Variants in CATSPERB observed in about 807,000 individuals in gnomAD.
CATSPERB encodes the protein cation channel sperm-associated auxiliary subunit beta.
Under a neutral mutation model 128.3 loss-of-function variants are expected in CATSPERB, and 93 were observed. The observed-to-expected ratio is 0.72, with a 90% CI of 0.61 to 0.86. CATSPERB has a LOEUF of 0.86. Ranked by LOEUF, CATSPERB falls within the 40% of genes least tolerant of loss-of-function variation. The probability of loss-of-function intolerance (pLI) is 0.00; values close to 1 mark genes in which losing one functional copy is unlikely to be tolerated. For synonymous variants in CATSPERB, 381 were observed against 448.8 expected (o/e 0.85, Z 1.91); for missense variants, 1,153 against 1,329.5 (o/e 0.87, Z 2.06).
chr14:91,674,791 A>C (rs1895161074), intron 11 of CATSPERB, among the ~76,000 whole-genome samples: 1 of 152,208 alleles, frequency 6.6e-6, no homozygotes, highest in South Asian at 2.1e-4. Flanking sequence ...GTTAGTCTAC[A>C]ACCTGGCCAT....
At chr14:91,642,910 A>G (rs11847243) in intron 15 of CATSPERB, among the ~76,000 whole-genome samples, 21,023 of 132,732 alleles carry the variant, frequency 0.16, 1,016 homozygotes, top group African/African-American at 0.19. Context: ...CTATTCAGAG[A>G]TTCAACTTCT....
intron 7 of CATSPERB, among the ~76,000 whole-genome samples, chr14:91,700,322 C>G (rs970083871): frequency 2.0e-5 from 3 of 152,128 alleles, no homozygotes; most frequent in Non-Finnish European, 4.4e-5. Context: ...AATATTTTGT[C>G]AAGAATTTTT....
intron 18 of CATSPERB, among the ~76,000 whole-genome samples, chr14:91,623,487 A>G (rs566554287): frequency 1.3e-5 from 2 of 152,302 alleles, no homozygotes; most frequent in East Asian, 3.9e-4. Flanking sequence ...AGCATTAACT[A>G]TCATACATAT....
In CATSPERB at chr14:91,586,559, G is replaced by GAGAA. The variant is rs1555358764; in HGVS notation, c.3132+642_3132+643insTTCT. ...TGGGCCGGAACAGGAGAGAGAGAGAGAGAGAGAGAGAAAGAGAGAGAGAGA... is the reference window on the plus strand; with the variant it reads ...TGGGCCGGAACAGGAGAGAGAGAGAGAGAAAGAGAGAGAGAAAGAGAGAGAGAGA... On this transcript the variant is annotated intron_variant, in intron 26 of 26. Coordinates refer to ENST00000256343, the MANE Select transcript of CATSPERB (RefSeq NM_024764.4). 4.8e-4 allele frequency among the ~76,000 whole-genome samples: 64 copies of GAGAA among 134,070 alleles called. No individual in the cohort carries two copies. In the East Asian group the frequency reaches 0.013, roughly 27 times the overall value. The allele number at this position is 134,070 out of a possible 152,430, so 88.0% of individuals were successfully genotyped here. A position where few individuals can be genotyped will look rare whatever the true frequency, so the allele number is the denominator to read the frequency against.
intron 24 of CATSPERB, among the ~76,000 whole-genome samples, chr14:91,589,268 T>C (rs1344582971): frequency 6.6e-6 from 1 of 152,264 alleles, no homozygotes; most frequent in Admixed American, 6.5e-5. Flanking sequence ...TCATTGTTGT[T>C]ATTGATCCAC....
At chr14:91,587,374 G>T (rs1230024967) in intron 25 of CATSPERB, 98 bp from the exon 26 acceptor site, 4 of 725,202 alleles carry the variant, frequency 5.5e-6, no homozygotes, top group African/African-American at 1.9e-5. Flanking sequence ...CCCTATAGAT[G>T]CTGCATGAAA....
chr14:91,588,137 G>T, intron 24 of CATSPERB, 59 bp from the exon 25 acceptor site: 3 of 1,066,560 alleles, frequency 2.8e-6, no homozygotes, highest in South Asian at 1.4e-5. Flanking sequence ...GTATTAGGTT[G>T]GTGCAAAAGT....
At chr14:91,663,152 G>A (rs1894914114) in intron 14 of CATSPERB, among the ~76,000 whole-genome samples, 1 of 151,306 alleles carries the variant, frequency 6.6e-6, no homozygotes, top group Non-Finnish European at 1.5e-5. Flanking sequence ...CTTTCTTTAG[G>A]TAAAAAGTGA....
Position 91,605,041 on chromosome 14 carries a change from G to A in CATSPERB, c.2709+3253C>T, listed in dbSNP as rs1348286000. The A allele has an allele frequency of 3.4e-6, 4 of 1,189,110 alleles. No individual in the cohort carries two copies. The South Asian group carries it at 3.7e-5, about 11-fold the overall frequency. The allele number at this position is 1,189,110 out of a possible 1,614,324, so 73.7% of individuals were successfully genotyped here. A position where few individuals can be genotyped will look rare whatever the true frequency, so the allele number is the denominator to read the frequency against. On this transcript the variant is annotated intron_variant, in intron 22 of 26. Coordinates refer to ENST00000256343, the MANE Select transcript of CATSPERB (RefSeq NM_024764.4). The stretch of plus-strand genomic sequence containing the variant: ...ACACAGTTCTGGTCTTCTGTTTCTT[G>A]AATGGGACCTTGTCTTCCTTTTTTC...
At position 91,608,429 on chromosome 14, in the gene CATSPERB, T is replaced by C. The variant is rs753128464; in HGVS notation, c.2599-25A>G. ...TCTGCAAGTGATTAAACAAAGAAAA[T>C]GTACAATTCATTATTATGAAGTCTT... On this transcript the variant is annotated intron_variant, in intron 21 of 26. Coordinates refer to ENST00000256343, the MANE Select transcript of CATSPERB (RefSeq NM_024764.4). 3.2e-6 allele frequency: 4 copies of C among 1,256,232 alleles called. No individual in the cohort carries two copies. The African/African-American group carries it at 5.9e-5, about 19-fold the overall frequency. 77.8% of individuals were successfully genotyped at this position (1,256,232 alleles called of 1,614,324 possible). A position where few individuals can be genotyped will look rare whatever the true frequency, so the allele number is the denominator to read the frequency against.
chr14:91,610,880 A>T lies in CATSPERB; in HGVS notation c.2401-203T>A, dbSNP rs546713936. On this transcript the variant is annotated intron_variant, in intron 20 of 26. Coordinates refer to ENST00000256343, the MANE Select transcript of CATSPERB (RefSeq NM_024764.4). Reference sequence around the variant, plus strand: ...AATCCAGTGTCACTGGTGTCATCTTATAAGAAGAGGAGATTAGGATATAGA... The same window carrying T: ...AATCCAGTGTCACTGGTGTCATCTTTTAAGAAGAGGAGATTAGGATATAGA... 6.6e-5 allele frequency among the ~76,000 whole-genome samples: 10 copies of T among 151,480 alleles called. No homozygotes were observed. In the South Asian group the frequency reaches 1.9e-3, roughly 28 times the overall value.
At chr14:91,679,080 A>G (rs1895238364) in intron 11 of CATSPERB, among the ~76,000 whole-genome samples, 1 of 152,170 alleles carries the variant, frequency 6.6e-6, no homozygotes, top group South Asian at 2.1e-4. Context: ...TTGCAGGTAA[A>G]CTTTAAATGA....
At chr14:91,663,179 G>T (rs947700853) in intron 14 of CATSPERB, among the ~76,000 whole-genome samples, 1 of 152,050 alleles carries the variant, frequency 6.6e-6, no homozygotes, top group Non-Finnish European at 1.5e-5. Flanking sequence ...GAGACTCTGT[G>T]ATCTGATTCG....
intron 14 of CATSPERB, among the ~76,000 whole-genome samples, chr14:91,664,288 C>T (rs1743082): frequency 0.63 from 79,453 of 126,742 alleles, 23,946 homozygotes; most frequent in Middle Eastern, 0.7. Context: ...TTTTTTGAGA[C>T]AGAGTCTCAC....
At chr14:91,698,437 G>A (rs1895597638) in intron 7 of CATSPERB, among the ~76,000 whole-genome samples, 1 of 152,172 alleles carries the variant, frequency 6.6e-6, no homozygotes, top group South Asian at 2.1e-4. Flanking sequence ...GTGTTGAATA[G>A]AAGAGGTGAG....
Position 91,587,220 on chromosome 14 carries a change from G to A in CATSPERB, c.3114C>T (p.Asn1038=). The change falls in exon 26 of 27, where the codon AAC becomes AAT. Residue 1038 remains asparagine (N), a synonymous_variant. Coordinates refer to ENST00000256343, the MANE Select transcript of CATSPERB (RefSeq NM_024764.4). ...VTVISGVTFC[N]LIEEFQIYVD... ...ATTTTACCTGAAATTCTTCAATTAAGTTACAAAAAGTTACTCCTGAAATGA... is the reference window on the plus strand; with the variant it reads ...ATTTTACCTGAAATTCTTCAATTAAATTACAAAAAGTTACTCCTGAAATGA... The A allele has an allele frequency of 1.2e-6, 2 of 1,601,280 alleles. No individual in the cohort carries two copies. The highest frequency in any genetic ancestry group is 1.7e-6 in the Non-Finnish European group (2 of 1,174,774).
chr14:91,630,519 CT>C (rs1894255846), intron 17 of CATSPERB, among the ~76,000 whole-genome samples: 1 of 152,218 alleles, frequency 6.6e-6, no homozygotes, highest in African/African-American at 2.4e-5. Context: ...GATACCTGCA[CT>C]TTTCGTCTCG....
intron 15 of CATSPERB, among the ~76,000 whole-genome samples, chr14:91,646,727 A>G (rs12885902): frequency 0.28 from 42,103 of 152,116 alleles, 6,962 homozygotes; most frequent in East Asian, 0.48. Flanking sequence ...CACACTTTTA[A>G]TATATTGTTC....
intron 23 of CATSPERB, among the ~76,000 whole-genome samples, chr14:91,590,069 A>G (rs1957352): frequency 0.22 from 33,443 of 152,100 alleles, 3,941 homozygotes; most frequent in East Asian, 0.44. Context: ...GCCAGCCCCA[A>G]TGCATGTTAA....
Sources: allele counts gnomAD v4.1 joint callset (sites outside exome capture counted in the v4.1 genomes callset), GRCh38; gene constraint gnomAD v4.1.1; transcripts MANE v1.5; gene names NCBI Gene and HGNC (gene_info 2026-07-23, HGNC 2026-07-21).